The following IGF2BP3 variants were observed in gnomAD, a reference collection of about 807,000 sequenced individuals.
IGF2BP3 encodes the protein insulin like growth factor 2 mRNA binding protein 3, also known as insulin-like growth factor 2 mRNA-binding protein 3.
In IGF2BP3, 9 loss-of-function variants were observed where a neutral mutation model predicts 73.8. The observed-to-expected ratio is 0.12, with a 90% CI of 0.07 to 0.21. The LOEUF (loss-of-function observed/expected upper bound fraction) is 0.21. Ranked by LOEUF, IGF2BP3 falls within the 10% of genes least tolerant of loss-of-function variation. IGF2BP3 has a pLI of 1.00. For synonymous variants in IGF2BP3, 258 were observed against 256.7 expected (o/e 1.01, Z -0.05); for missense variants, 542 against 714.0 (o/e 0.76, Z 2.75).
intron 14 of IGF2BP3, 74 bp downstream of exon 14, chr7:23,312,661 T>C: frequency 9.2e-7 from 1 of 1,085,962 alleles, no homozygotes; most frequent in South Asian, 1.3e-5. Context: ...ACTAATTCTA[T>C]CAGGTAGGAG....
chr7:23,459,831 G>A lies in IGF2BP3; in HGVS notation c.236+8651C>T, dbSNP rs181316728. ...GGGCAACAAAGTGAGATTCTGACTC[G>A]AAAAAAGAAGAAGAACTGGACTTGG... is the stretch of plus-strand genomic sequence containing the variant. On this transcript the variant is annotated intron_variant, in intron 2 of 14. Transcript: ENST00000258729. 2.5e-4 allele frequency among the ~76,000 whole-genome samples: 38 copies of A among 150,692 alleles called. No homozygotes were observed. The East Asian group carries it at 6.9e-3, about 27-fold the overall frequency.
At chr7:23,371,171 A>C (rs1170673744) in intron 3 of IGF2BP3, among the ~76,000 whole-genome samples, 1 of 151,944 alleles carries the variant, frequency 6.6e-6, no homozygotes, top group African/African-American at 2.4e-5. Context: ...ACACACACAC[A>C]CACACACCCT....
intron 2 of IGF2BP3, among the ~76,000 whole-genome samples, chr7:23,456,476 G>A (rs1788320193): frequency 1.3e-5 from 2 of 152,184 alleles, no homozygotes; most frequent in African/African-American, 4.8e-5. Context: ...AAAATTTAAG[G>A]TGCTAAGTAC....
chr7:23,411,994 T>TTC (rs1254620133), intron 3 of IGF2BP3, among the ~76,000 whole-genome samples: 14 of 148,472 alleles, frequency 9.4e-5, no homozygotes, highest in African/African-American at 3.0e-4. Flanking sequence ...CTTTTTTTTT[T>TTC]TTTTTTTTTT....
At chr7:23,319,753 G>C (rs544708508) in intron 10 of IGF2BP3, among the ~76,000 whole-genome samples, 2 of 152,232 alleles carry the variant, frequency 1.3e-5, no homozygotes, top group Admixed American at 1.3e-4. Flanking sequence ...GCTGAATTTT[G>C]TTACATATGA....
chr7:23,463,192 A>G (rs953965628), intron 2 of IGF2BP3, among the ~76,000 whole-genome samples: 107 of 152,182 alleles, frequency 7.0e-4, no homozygotes, highest in Non-Finnish European at 4.0e-4. Flanking sequence ...CACCTTCCAA[A>G]AATTAGTTAT....
intron 2 of IGF2BP3, among the ~76,000 whole-genome samples, chr7:23,429,084 A>G (rs1252231627): frequency 6.6e-6 from 1 of 152,210 alleles, no homozygotes; most frequent in Non-Finnish European, 1.5e-5. Flanking sequence ...TTTTAGTCAG[A>G]AAAAGTACAG....
chr7:23,368,428 T>G (rs1785451239), intron 3 of IGF2BP3, among the ~76,000 whole-genome samples: 1 of 150,094 alleles, frequency 6.7e-6, no homozygotes. Context: ...AAAAAACTAC[T>G]TATTATATGA....
chr7:23,415,811 C>T (rs1787174081), intron 3 of IGF2BP3, among the ~76,000 whole-genome samples: 1 of 152,204 alleles, frequency 6.6e-6, no homozygotes, highest in Non-Finnish European at 1.5e-5. Context: ...TCCTTACAGT[C>T]ACTACTCTGG....
chr7:23,403,771 C>T (rs1243020224), intron 3 of IGF2BP3, among the ~76,000 whole-genome samples: 1 of 152,082 alleles, frequency 6.6e-6, no homozygotes. Flanking sequence ...AAGAATAGCA[C>T]AATTCCCTTC....
intron 10 of IGF2BP3, among the ~76,000 whole-genome samples, chr7:23,332,092 T>C (rs1345674734): frequency 6.6e-6 from 1 of 152,072 alleles, no homozygotes; most frequent in Admixed American, 6.6e-5. Flanking sequence ...GCCCCCATGA[T>C]CCAATCACCT....
chr7:23,336,931 G>C (rs1784588498), intron 10 of IGF2BP3, among the ~76,000 whole-genome samples: 1 of 151,726 alleles, frequency 6.6e-6, no homozygotes, highest in Non-Finnish European at 1.5e-5. Flanking sequence ...CTGGGTGACA[G>C]GGCAAGACTC....
At chr7:23,408,452 A>G (rs1297949437) in intron 3 of IGF2BP3, among the ~76,000 whole-genome samples, 1 of 152,238 alleles carries the variant, frequency 6.6e-6, no homozygotes, top group Non-Finnish European at 1.5e-5. Context: ...GTCCAAACTT[A>G]AAAAATAATA....
intron 5 of IGF2BP3, among the ~76,000 whole-genome samples, chr7:23,359,835 C>A (rs1052725098): frequency 6.6e-6 from 1 of 151,878 alleles, no homozygotes; most frequent in African/African-American, 2.4e-5. Flanking sequence ...TCCTGGTCTT[C>A]TTACATGATA....
At chr7:23,332,368 C>A (rs371402943) in intron 10 of IGF2BP3, among the ~76,000 whole-genome samples, 1 of 152,218 alleles carries the variant, frequency 6.6e-6, no homozygotes, top group Non-Finnish European at 1.5e-5. Context: ...ATATTGTTTA[C>A]AACTTGGCAA....
At chr7:23,369,454 C>G (rs1785481593) in intron 3 of IGF2BP3, among the ~76,000 whole-genome samples, 1 of 152,218 alleles carries the variant, frequency 6.6e-6, no homozygotes, top group Non-Finnish European at 1.5e-5. Flanking sequence ...TTGAACCTGA[C>G]TGTCTCCTTG....
intron 8 of IGF2BP3, among the ~76,000 whole-genome samples, chr7:23,344,923 T>C (rs1307545730): frequency 4.6e-5 from 7 of 152,270 alleles, no homozygotes; most frequent in African/African-American, 4.8e-5. Flanking sequence ...GTTTTAAAAA[T>C]AGCTGCTTCT....
intron 3 of IGF2BP3, among the ~76,000 whole-genome samples, chr7:23,417,839 G>C (rs908386892): frequency 6.6e-6 from 1 of 152,060 alleles, no homozygotes; most frequent in Non-Finnish European, 1.5e-5. Context: ...TATATTTTTA[G>C]TGCATTATAT....
At chr7:23,378,303 G>A (rs1327139924) in intron 3 of IGF2BP3, among the ~76,000 whole-genome samples, 1 of 145,138 alleles carries the variant, frequency 6.9e-6, no homozygotes, top group African/African-American at 2.6e-5. Flanking sequence ...TTAGAATCAG[G>A]AAGAAAATGA....
Sources: allele counts gnomAD v4.1 joint callset (sites outside exome capture counted in the v4.1 genomes callset), GRCh38; gene constraint gnomAD v4.1.1; transcripts MANE v1.5; gene names NCBI Gene and HGNC (gene_info 2026-07-23, HGNC 2026-07-21).